INTS6L: variants seen among roughly 807,000 people sequenced by gnomAD.
INTS6L encodes the protein integrator complex subunit 6-like.
In INTS6L, 18 loss-of-function variants were observed where a neutral mutation model predicts 64.7. That is an observed-to-expected ratio of 0.28 (90% CI 0.19 to 0.41). The LOEUF (loss-of-function observed/expected upper bound fraction) is 0.41, where lower values mean the gene tolerates loss of function less well. INTS6L is among the 10% of genes least tolerant of loss of function. INTS6L has a pLI of 1.00. For missense variants in INTS6L, 533 were observed against 661.0 expected (o/e 0.81, Z 2.12); for synonymous variants, 227 against 235.9 (o/e 0.96, Z 0.34).
chrX:135,578,119 T>C (rs782057174), intron 15 of INTS6L, among the ~76,000 whole-genome samples: 7 of 111,547 alleles, frequency 6.3e-5, no homozygotes, highest in African/African-American at 9.8e-5. Context: ...CTAAATATCA[T>C]AGGGCCTCAA....
chrX:135,573,820 TA>T, intron 12 of INTS6L, 118 bp from the exon 13 acceptor site: 1 of 835,705 alleles, frequency 1.2e-6, no homozygotes, highest in South Asian at 3.9e-5. Context: ...GGGAAAATTC[TA>T]CTGTAGTCAG....
rs782660109 is a variant in INTS6L at position 135,522,447 on chromosome X, G to A, written c.189+1129G>A. Among the ~76,000 whole-genome samples, 6 of 112,354 alleles carry A rather than the reference G, an allele frequency of 5.3e-5. No homozygotes were observed. In the East Asian group the frequency reaches 1.7e-3, roughly 31 times the overall value. On this transcript the variant is annotated intron_variant, in intron 2 of 17. Transcript: ENST00000639893. Reference sequence around the variant, plus strand: ...TGAGGAGATAAAGAACTGCTGCTTTGCCTGCAGTGGCCAGATAAAATGGAA... The same window carrying A: ...TGAGGAGATAAAGAACTGCTGCTTTACCTGCAGTGGCCAGATAAAATGGAA...
chrX:135,527,314 T>C (rs1444709999), intron 2 of INTS6L, among the ~76,000 whole-genome samples: 1 of 112,375 alleles, frequency 8.9e-6, no homozygotes, highest in African/African-American at 3.2e-5. Flanking sequence ...CATATACTTC[T>C]TGAACATCTC....
At chrX:135,578,045 C>T (rs2087277595) in intron 15 of INTS6L, among the ~76,000 whole-genome samples, 1 of 111,882 alleles carries the variant, frequency 8.9e-6, no homozygotes, top group African/African-American at 3.3e-5. Flanking sequence ...TTATAGCTTT[C>T]TTTTCCCTCT....
chrX:135,524,370 A>T (rs1223984429), intron 2 of INTS6L, among the ~76,000 whole-genome samples: 3 of 110,945 alleles, frequency 2.7e-5, no homozygotes, highest in Non-Finnish European at 3.8e-5. Context: ...CTTCACTCTC[A>T]TTAGGAGTCT....
chrX:135,540,168 A>G (rs1047105999), intron 2 of INTS6L, among the ~76,000 whole-genome samples: 1 of 111,796 alleles, frequency 8.9e-6, no homozygotes, highest in Admixed American at 9.4e-5. Flanking sequence ...TAATGTGTGG[A>G]AGAGTGGTTT....
At chrX:135,574,183 G>C (rs2087164273) in intron 13 of INTS6L, 121 bp downstream of exon 13, 1 of 758,736 alleles carries the variant, frequency 1.3e-6, no homozygotes, top group Non-Finnish European at 1.8e-6. Context: ...TAAAATGCCT[G>C]TTTTCACTGA....
chrX:135,549,843 G>C, intron 7 of INTS6L, 38 bp downstream of exon 7: 1 of 1,194,494 alleles, frequency 8.4e-7, no homozygotes, highest in Non-Finnish European at 1.1e-6. Flanking sequence ...CATCATTCTG[G>C]ATTTTCAATT....
intron 7 of INTS6L, among the ~76,000 whole-genome samples, chrX:135,550,814 C>A (rs1384570988): frequency 9.0e-6 from 1 of 111,623 alleles, no homozygotes; most frequent in African/African-American, 3.3e-5. Flanking sequence ...CAAGGTGTTA[C>A]ACCTGTGAAA....
intron 3 of INTS6L, among the ~76,000 whole-genome samples, chrX:135,545,833 C>T (rs1342560483): frequency 8.9e-6 from 1 of 111,887 alleles, no homozygotes; most frequent in Admixed American, 9.5e-5. Flanking sequence ...TGAGAAATAT[C>T]GGAACAAGAC....
At chrX:135,524,219 G>A (rs1556499762) in intron 2 of INTS6L, among the ~76,000 whole-genome samples, 2 of 110,934 alleles carry the variant, frequency 1.8e-5, no homozygotes, top group Non-Finnish European at 3.8e-5. Context: ...TAGAACATCT[G>A]GTGATTTTTT....
intron 15 of INTS6L, 69 bp from the exon 16 acceptor site, chrX:135,579,719 G>A: frequency 9.1e-7 from 1 of 1,099,665 alleles, no homozygotes; most frequent in African/African-American, 1.8e-5. Context: ...TTGAGCATCA[G>A]AGGGATATAC....
intron 2 of INTS6L, among the ~76,000 whole-genome samples, chrX:135,521,945 G>A (rs1211527981): frequency 9.2e-6 from 1 of 108,910 alleles, no homozygotes; most frequent in African/African-American, 3.4e-5. Flanking sequence ...CCTTCCTGCT[G>A]AGAGCGTGGC....
chrX:135,536,655 T>A (rs2086062202), intron 2 of INTS6L, among the ~76,000 whole-genome samples: 1 of 111,207 alleles, frequency 9.0e-6, no homozygotes, highest in African/African-American at 3.3e-5. Flanking sequence ...GGAAAAGGCT[T>A]CTCTATTTAA....
chrX:135,544,730 A>G (rs782176785), intron 2 of INTS6L, among the ~76,000 whole-genome samples: 2 of 111,843 alleles, frequency 1.8e-5, no homozygotes, highest in African/African-American at 3.2e-5. Flanking sequence ...CTACAAACCA[A>G]TCAATCACAG....
Position 135,556,046 on chromosome X carries a change from A to G in INTS6L, c.1060-122A>G, listed in dbSNP as rs782004902. Reference sequence around the variant, plus strand: ...GACATAACCATAGGCTAAAAACACTATTGCTATTTTAAAATTACAATCAAA... The same window carrying G: ...GACATAACCATAGGCTAAAAACACTGTTGCTATTTTAAAATTACAATCAAA... On this transcript the variant is annotated intron_variant, in intron 8 of 17. Transcript: ENST00000639893. 628 of 716,300 alleles carry G rather than the reference A, an allele frequency of 8.8e-4. 1 individual carries two copies. The Middle Eastern group carries it at 0.011, about 12-fold the overall frequency. The allele number at this position is 716,300 out of a possible 1,213,427, so 59.0% of individuals were successfully genotyped here. A position where few individuals can be genotyped will look rare whatever the true frequency, so the allele number is the denominator to read the frequency against.
chrX:135,523,811 A>G (rs1340689310), intron 2 of INTS6L, among the ~76,000 whole-genome samples: 1 of 112,102 alleles, frequency 8.9e-6, no homozygotes, highest in Non-Finnish European at 1.9e-5. Context: ...CTGCCATCTT[A>G]TATACTACAT....
rs192127920 is a variant in INTS6L at position 135,533,178 on chromosome X, T to C, written c.189+11860T>C. Among the ~76,000 whole-genome samples the C allele has an allele frequency of 3.6e-5, 4 of 112,182 alleles. No homozygotes were observed. The East Asian group carries it at 8.4e-4, about 23-fold the overall frequency. ...CTATATCACACACTTAGTGGTTACA[T>C]TGGTAAATGCCACTCCATCTTATTG... On this transcript the variant is annotated intron_variant, in intron 2 of 17. Transcript: ENST00000639893.
At chrX:135,539,640 G>A (rs2148596359) in intron 2 of INTS6L, among the ~76,000 whole-genome samples, 1 of 112,182 alleles carries the variant, frequency 8.9e-6, no homozygotes, top group African/African-American at 3.2e-5. Flanking sequence ...CTCAGCTTTC[G>A]ACATGCCTTC....
Sources: gnomAD v4.1 joint callset for allele counts (sites outside exome capture counted in the v4.1 genomes callset) on GRCh38, gnomAD v4.1.1 for gene constraint, MANE v1.5 for transcripts, NCBI Gene and HGNC (gene_info 2026-07-23, HGNC 2026-07-21) for gene names.